The following NFX1 variants were observed in gnomAD, a reference collection of about 807,000 sequenced individuals.
NFX1 encodes the protein transcriptional repressor NF-X1.
In NFX1, 69 loss-of-function variants were observed where a neutral mutation model predicts 137.2. The ratio of observed to expected loss-of-function variants is 0.50; its 90% confidence interval spans 0.41 to 0.61. The LOEUF (loss-of-function observed/expected upper bound fraction) is 0.61, where lower values mean the gene tolerates loss of function less well. NFX1 is among the 20% of genes least tolerant of loss of function. The probability of loss-of-function intolerance (pLI) is 0.00; values close to 1 mark genes in which losing one functional copy is unlikely to be tolerated. For missense variants in NFX1, 1,167 were observed against 1,391.0 expected (o/e 0.84, Z 2.56); for synonymous variants, 495 against 474.1 (o/e 1.04, Z -0.57).
intron 15 of NFX1, 69 bp from the exon 16 acceptor site, chr9:33,351,491 A>C: frequency 1.4e-6 from 2 of 1,445,212 alleles, no homozygotes; most frequent in Admixed American, 3.5e-5. Context: ...GAAATGTTTA[A>C]AGAGAAAGTT....
rs1823522338 is a variant in NFX1, at chr9:33,348,611, A to G, written c.2424+1494A>G. Reference sequence around the variant, plus strand: ...AATGTGATGCAGACACGAAATGAGCATGTGCTGTTGGAAAAGTGGAACAGA... The same window carrying G: ...AATGTGATGCAGACACGAAATGAGCGTGTGCTGTTGGAAAAGTGGAACAGA... On this transcript the variant is annotated intron_variant, in intron 15 of 23. Coordinates refer to ENST00000379540, the MANE Select transcript of NFX1 (RefSeq NM_002504.6). The G allele has an allele frequency of 1.8e-5, 4 of 226,696 alleles. No individual in the cohort carries two copies. The South Asian group carries it at 4.8e-4, about 27-fold the overall frequency. 14.0% of individuals were successfully genotyped at this position (226,696 alleles called of 1,614,324 possible).
chr9:33,321,431 T>C (rs905735938), intron 9 of NFX1, among the ~76,000 whole-genome samples: 1 of 152,186 alleles, frequency 6.6e-6, no homozygotes, highest in Non-Finnish European at 1.5e-5. Flanking sequence ...CTTAGGTCTT[T>C]TGTATCTCAC....
intron 2 of NFX1, 123 bp downstream of exon 2, chr9:33,295,550 CT>C: frequency 8.8e-7 from 1 of 1,139,378 alleles, no homozygotes; most frequent in Non-Finnish European, 1.2e-6. Context: ...AAGTCTCAAT[CT>C]TTATTCACTG....
At chr9:33,303,497 G>T (rs1337771634) in intron 4 of NFX1, among the ~76,000 whole-genome samples, 2 of 152,304 alleles carry the variant, frequency 1.3e-5, no homozygotes, top group African/African-American at 4.8e-5. Context: ...CTTCTGGGCT[G>T]TAGTGCTTGT....
In NFX1 at chr9:33,331,774, C is replaced by T. The variant is rs564374088; in HGVS notation, c.2005-698C>T. On this transcript the variant is annotated intron_variant, in intron 10 of 23. Transcript: ENST00000379540. ...TTTCTCATTTCTGAGTACATGGCAA[C>T]CTGTAAATGACATCAAAGCCAAAAT... is the stretch of plus-strand genomic sequence containing the variant. Among the ~76,000 whole-genome samples, 5 of 150,940 alleles carry T rather than the reference C, an allele frequency of 3.3e-5. No homozygotes were observed. The East Asian group carries it at 5.8e-4, about 18-fold the overall frequency.
intron 3 of NFX1, among the ~76,000 whole-genome samples, chr9:33,302,519 A>C (rs1032659771): frequency 6.6e-6 from 1 of 150,714 alleles, no homozygotes; most frequent in Non-Finnish European, 1.5e-5. Context: ...ATGCCACCAC[A>C]TCCAGCTAAT....
intron 12 of NFX1, among the ~76,000 whole-genome samples, chr9:33,339,275 G>A (rs1823129314): frequency 1.3e-5 from 2 of 152,138 alleles, no homozygotes; most frequent in African/African-American, 4.8e-5. Context: ...AGTCGGTGGG[G>A]AGGCCTCACA....
At chr9:33,367,488 A>C (rs1302405903) in intron 22 of NFX1, 27 bp from the exon 23 acceptor site, 1 of 1,608,990 alleles carries the variant, frequency 6.2e-7, no homozygotes, top group East Asian at 2.2e-5. Flanking sequence ...CTCACTTTTC[A>C]ATGCTTGGTG....
intron 11 of NFX1, among the ~76,000 whole-genome samples, chr9:33,337,477 A>G (rs1416782485): frequency 1.3e-5 from 2 of 152,294 alleles, no homozygotes; most frequent in Non-Finnish European, 2.9e-5. Flanking sequence ...ACACCCATCT[A>G]CTAAGATGAG....
chr9:33,364,607 C>T (rs1824114889), intron 20 of NFX1, 101 bp from the exon 21 acceptor site: 1 of 1,340,146 alleles, frequency 7.5e-7, no homozygotes, highest in African/African-American at 1.5e-5. Context: ...GTTTTACTGC[C>T]AGCATTGTCT....
Position 33,320,927 on chromosome 9 carries a change from A to C in NFX1, c.1906+1800A>C, listed in dbSNP as rs570818153. On this transcript the variant is annotated intron_variant, in intron 9 of 23. Transcript: ENST00000379540. ...ATCCTTTTTCTCAATCTGACCTTAA[A>C]ATTGTGTATAGAGGAGAAGTGCTGT... Among the ~76,000 whole-genome samples, 8 of 152,302 alleles carry C rather than the reference A, an allele frequency of 5.3e-5. No individual in the cohort carries two copies. The South Asian group carries it at 1.7e-3, about 32-fold the overall frequency.
At chr9:33,343,495 A>T (rs201534408) in intron 13 of NFX1, among the ~76,000 whole-genome samples, 3 of 152,222 alleles carry the variant, frequency 2.0e-5, no homozygotes, top group South Asian at 4.1e-4. Context: ...CCTTACACAG[A>T]TAGCCTTACA....
At chr9:33,365,084 G>A (rs1824131268) in intron 21 of NFX1, 4 of 748,034 alleles carry the variant, frequency 5.3e-6, no homozygotes, top group Admixed American at 5.0e-5. Context: ...GATCAGCTTG[G>A]CCAACATGAC....
At chr9:33,363,835 G>A (rs1824087241) in intron 19 of NFX1, among the ~76,000 whole-genome samples, 175 bp from the exon 20 acceptor site, 2 of 151,918 alleles carry the variant, frequency 1.3e-5, no homozygotes, top group South Asian at 4.2e-4. Context: ...TTTCTTTTAT[G>A]AAGACAATAC....
At position 33,351,862 on chromosome 9, in the gene NFX1, C is replaced by CT. The variant is rs1323119781; in HGVS notation, c.2655+72_2655+73insT. On this transcript the variant is annotated intron_variant, in intron 16 of 23. Coordinates refer to ENST00000379540, the MANE Select transcript of NFX1 (RefSeq NM_002504.6). ...CTACTAGTGAATCCAGAACTGTCTACAGTGGCCCCTGGGCATGCATCTTAA... is the reference window on the plus strand; with the variant it reads ...CTACTAGTGAATCCAGAACTGTCTACTAGTGGCCCCTGGGCATGCATCTTAA... 3.1e-6 allele frequency: 4 copies of CT among 1,306,578 alleles called. No homozygotes were observed. The African/African-American group carries it at 6.0e-5, about 19-fold the overall frequency. The allele number at this position is 1,306,578 out of a possible 1,614,324, so 80.9% of individuals were successfully genotyped here. A position where few individuals can be genotyped will look rare whatever the true frequency, so the allele number is the denominator to read the frequency against.
intron 15 of NFX1, chr9:33,348,422 A>G (rs1823514343): frequency 6.6e-6 from 1 of 152,142 alleles, no homozygotes; most frequent in African/African-American, 2.4e-5. Context: ...GGGTGCACCA[A>G]AATCTCAAAA....
intron 4 of NFX1, among the ~76,000 whole-genome samples, chr9:33,306,974 C>G (rs10971466): frequency 0.056 from 8,570 of 152,216 alleles, 749 homozygotes; most frequent in African/African-American, 0.19. Flanking sequence ...ATTTATCTTT[C>G]CCAGGTAATC....
rs1196264083 is a variant in NFX1, at chr9:33,290,527, A to C, written c.-46A>C. The C allele has an allele frequency of 2.5e-6, 4 of 1,610,434 alleles. No homozygotes were observed. The East Asian group carries it at 8.9e-5, about 36-fold the overall frequency. On this transcript the variant is annotated 5_prime_UTR_variant, in exon 1 of 24. Transcript: ENST00000379540. Reference sequence around the variant, plus strand: ...AGTCCGGGGCACGTGACCTGGTGACAGTGCTGACTTGGCTGTACAGCTCGA... The same window carrying C: ...AGTCCGGGGCACGTGACCTGGTGACCGTGCTGACTTGGCTGTACAGCTCGA...
At position 33,347,051 on chromosome 9, in the gene NFX1, T is replaced by C. The variant is rs1362727463; in HGVS notation, c.2358T>C (p.Cys786=). ...HECDHPVYHS[C]HSEEKCPPCT... ...CTCTTTCTGCAGTATATCATTCTTGTCATAGTGAGGAGAAGTGTCCCCCTT... is the reference window on the plus strand; with the variant it reads ...CTCTTTCTGCAGTATATCATTCTTGCCATAGTGAGGAGAAGTGTCCCCCTT... Residue 786 remains cysteine, a synonymous_variant, in exon 15 of 24, where the codon TGT becomes TGC. Coordinates refer to ENST00000379540, the MANE Select transcript of NFX1 (RefSeq NM_002504.6). The C allele has an allele frequency of 1.2e-6, 2 of 1,613,094 alleles. No individual in the cohort carries two copies. The highest frequency in any genetic ancestry group is 1.7e-6 in the Non-Finnish European group (2 of 1,179,130).
Sources: gnomAD v4.1 joint callset for allele counts (sites outside exome capture counted in the v4.1 genomes callset) on GRCh38, gnomAD v4.1.1 for gene constraint, MANE v1.5 for transcripts, NCBI Gene and HGNC (gene_info 2026-07-23, HGNC 2026-07-21) for gene names.